Variants in CCDC170 observed in about 807,000 individuals in gnomAD.
CCDC170 encodes coiled-coil domain-containing protein 170.
In CCDC170, 69 loss-of-function variants were observed where a neutral mutation model predicts 72.6. That is an observed-to-expected ratio of 0.95 (90% CI 0.78 to 1.16). CCDC170 has a LOEUF of 1.16. CCDC170 is among the 50% of genes most tolerant of loss of function. The probability of loss-of-function intolerance (pLI) is 0.00; values close to 1 mark genes in which losing one functional copy is unlikely to be tolerated. For missense variants in CCDC170, 852 were observed against 832.5 expected, an observed-to-expected ratio of 1.02 and a Z score of -0.29; for synonymous variants, 300 against 303.9, an observed-to-expected ratio of 0.99 and a Z score of 0.13.
chr6:151,611,989 A>C lies in CCDC170; in HGVS notation c.1711-3454A>C, dbSNP rs148621348. ...CTCCCAAAGTGCTGGGATTACAGGTATGAGCCACTGCGCCTGGCCAAAACT... is the reference window on the plus strand; with the variant it reads ...CTCCCAAAGTGCTGGGATTACAGGTCTGAGCCACTGCGCCTGGCCAAAACT... On this transcript the variant is annotated intron_variant, in intron 9 of 10. Coordinates refer to ENST00000239374, the MANE Select transcript of CCDC170 (RefSeq NM_025059.4). Among the ~76,000 whole-genome samples, 787 of 152,252 alleles carry C rather than the reference A, an allele frequency of 5.2e-3. 10 individuals carry two copies. The highest frequency in any genetic ancestry group is 0.018 in the African/African-American group (741 of 41,564).
chr6:151,601,205 CT>C (rs975134119), intron 9 of CCDC170, among the ~76,000 whole-genome samples: 6 of 152,124 alleles, frequency 3.9e-5, no homozygotes, highest in Non-Finnish European at 5.9e-5. Flanking sequence ...GGGGTTTTCC[CT>C]TATAAAACCA....
rs1457107112 is a variant in CCDC170 at position 151,585,771 on chromosome 6, A to G, written c.1093-118A>G. ...ATTACATATTTTAAATGGGATTTTTACAAATAATCTGGAAGTTGGTATCAT... is the reference window on the plus strand; with the variant it reads ...ATTACATATTTTAAATGGGATTTTTGCAAATAATCTGGAAGTTGGTATCAT... On this transcript the variant is annotated intron_variant, in intron 6 of 10. Transcript: ENST00000239374. 25 of 821,352 alleles carry G rather than the reference A, an allele frequency of 3.0e-5. 1 individual carries two copies. The highest frequency in any genetic ancestry group is 4.4e-5 in the Non-Finnish European group (24 of 546,904). The allele number at this position is 821,352 out of a possible 1,614,324, so 50.9% of individuals were successfully genotyped here. A position where few individuals can be genotyped will look rare whatever the true frequency, so the allele number is the denominator to read the frequency against.
At position 151,593,234 on chromosome 6, in the gene CCDC170, A is replaced by G; in HGVS notation, c.1421A>G (p.Asn474Ser). ...GAGCAGCTGGTTCGTCTTGAGAGCA[A>G]TGCAGTCATTGAGAACAAGACCATT... is the stretch of plus-strand genomic sequence containing the variant. ...RTEQLVRLES[N>S]AVIENKTIAH... is the part of the protein sequence containing the mutation. Residue 474 changes from asparagine (N) to serine (S), a missense_variant, in exon 8 of 11, where the codon AAT becomes AGT. Coordinates refer to ENST00000239374, the MANE Select transcript of CCDC170 (RefSeq NM_025059.4). 3.7e-6 allele frequency: 6 copies of G among 1,614,202 alleles called. No homozygotes were observed. The highest frequency in any genetic ancestry group is 5.1e-6 in the Non-Finnish European group (6 of 1,180,030).
At chr6:151,597,746 C>T (rs184174103) in intron 9 of CCDC170, among the ~76,000 whole-genome samples, 10 of 152,310 alleles carry the variant, frequency 6.6e-5, no homozygotes, top group African/African-American at 2.2e-4. Flanking sequence ...AAAAGATTTA[C>T]GTGTCATGCA....
chr6:151,524,020 G>A (rs577957094), intron 1 of CCDC170, among the ~76,000 whole-genome samples: 8 of 152,164 alleles, frequency 5.3e-5, no homozygotes, highest in Non-Finnish European at 1.2e-4. Flanking sequence ...GAGGGTTGCT[G>A]GTTTTTGCAG....
intron 5 of CCDC170, among the ~76,000 whole-genome samples, chr6:151,551,205 A>G (rs984293679): frequency 6.6e-6 from 1 of 151,990 alleles, no homozygotes; most frequent in African/African-American, 2.4e-5. Flanking sequence ...GTTATTGTTT[A>G]TTTATTGTTA....
intron 7 of CCDC170, among the ~76,000 whole-genome samples, chr6:151,590,882 C>T (rs76736819): frequency 2.0e-5 from 3 of 152,086 alleles, no homozygotes; most frequent in African/African-American, 7.2e-5. Flanking sequence ...ATGTAAAATA[C>T]AAGCAATAGC....
intron 5 of CCDC170, among the ~76,000 whole-genome samples, chr6:151,554,947 C>T (rs1478301856): frequency 3.5e-5 from 5 of 142,112 alleles, no homozygotes; most frequent in Non-Finnish European, 7.6e-5. Context: ...GGTGTGACCT[C>T]GGCTCACTGT....
intron 5 of CCDC170, among the ~76,000 whole-genome samples, chr6:151,557,550 A>G (rs945345857): frequency 6.6e-6 from 1 of 152,118 alleles, no homozygotes; most frequent in Non-Finnish European, 1.5e-5. Context: ...TTGGATAAAT[A>G]CTCAGTAGTG....
chr6:151,596,621 T>G (rs1257620028), intron 9 of CCDC170, 44 bp downstream of exon 9: 8 of 1,603,480 alleles, frequency 5.0e-6, no homozygotes, highest in Non-Finnish European at 6.8e-6. Context: ...TGCTGGTTAC[T>G]GTCAATGTTT....
At chr6:151,577,131 G>A (rs1025314170) in intron 6 of CCDC170, among the ~76,000 whole-genome samples, 2 of 152,124 alleles carry the variant, frequency 1.3e-5, no homozygotes, top group African/African-American at 2.4e-5. Context: ...TTAGAGCAAG[G>A]TTTTCCATCC....
At chr6:151,617,041 C>T (rs982126789) in intron 10 of CCDC170, among the ~76,000 whole-genome samples, 1 of 152,188 alleles carries the variant, frequency 6.6e-6, no homozygotes, top group Non-Finnish European at 1.5e-5. Flanking sequence ...AAGCGGGTTG[C>T]AGAGCAAATG....
In CCDC170 at chr6:151,618,391, A is replaced by T; in HGVS notation, c.*244A>T. ...ATCCAGAAGAATTCCACCAGATTGC[A>T]TGAGTTAGATTGGGAAATGGGAGTG... is the stretch of plus-strand genomic sequence containing the variant. On this transcript the variant is annotated 3_prime_UTR_variant, in exon 11 of 11. Coordinates refer to ENST00000239374, the MANE Select transcript of CCDC170 (RefSeq NM_025059.4). The T allele has an allele frequency of 2.0e-6, 1 of 489,704 alleles. No homozygotes were observed. The highest frequency in any genetic ancestry group is 3.6e-6 in the Non-Finnish European group (1 of 275,546). 30.3% of individuals were successfully genotyped at this position (489,704 alleles called of 1,614,324 possible).
intron 1 of CCDC170, among the ~76,000 whole-genome samples, chr6:151,508,109 T>A (rs1195502220): frequency 6.6e-6 from 1 of 152,224 alleles, no homozygotes; most frequent in Non-Finnish European, 1.5e-5. Context: ...CACAGTTTTG[T>A]GGCACTAGAG....
intron 1 of CCDC170, among the ~76,000 whole-genome samples, chr6:151,523,882 G>T (rs1355032942): frequency 6.6e-6 from 1 of 152,112 alleles, no homozygotes; most frequent in South Asian, 2.1e-4. Flanking sequence ...ACAATGTATT[G>T]GTCTCTTTGT....
intron 9 of CCDC170, among the ~76,000 whole-genome samples, chr6:151,602,556 G>T (rs1776724642): frequency 6.6e-6 from 1 of 152,070 alleles, no homozygotes; most frequent in South Asian, 2.1e-4. Flanking sequence ...GGAGGTGATT[G>T]GATCATAGGA....
At chr6:151,550,963 A>G (rs976095625) in intron 5 of CCDC170, among the ~76,000 whole-genome samples, 1 of 152,216 alleles carries the variant, frequency 6.6e-6, no homozygotes, top group Non-Finnish European at 1.5e-5. Flanking sequence ...GATACAAATC[A>G]GTCCATAGTA....
rs1777052984 is a variant in CCDC170, at chr6:151,621,000, C to T, written c.*2853C>T. ...TCTTTAACATACACAGAATGATCTACAGTGATCTTTAACATACTCAGAAAT... is the reference window on the plus strand; with the variant it reads ...TCTTTAACATACACAGAATGATCTATAGTGATCTTTAACATACTCAGAAAT... On this transcript the variant is annotated 3_prime_UTR_variant, in exon 11 of 11. Transcript: ENST00000239374. 1 of 152,112 alleles carries T rather than the reference C, an allele frequency of 6.6e-6. No homozygotes were observed. The highest frequency in any genetic ancestry group is 1.5e-5 in the Non-Finnish European group (1 of 68,034). 9.4% of individuals were successfully genotyped at this position (152,112 alleles called of 1,614,324 possible).
At chr6:151,550,616 G>T (rs78339091) in intron 5 of CCDC170, among the ~76,000 whole-genome samples, 114 of 152,260 alleles carry the variant, frequency 7.5e-4, no homozygotes, top group Middle Eastern at 3.4e-3. Flanking sequence ...AGCTTGGGCT[G>T]CCATAATACA....
Sources: gnomAD v4.1 joint callset for allele counts (sites outside exome capture counted in the v4.1 genomes callset) on GRCh38, gnomAD v4.1.1 for gene constraint, MANE v1.5 for transcripts, NCBI Gene and HGNC (gene_info 2026-07-23, HGNC 2026-07-21) for gene names.